The following KLK2 variants were observed in gnomAD, a reference collection of about 807,000 sequenced individuals.
KLK2 encodes the protein kallikrein-2.
A neutral mutation model predicts 23.0 loss-of-function variants in KLK2; 17 were observed. The ratio of observed to expected loss-of-function variants is 0.74; its 90% CI spans 0.51 to 1.11. The LOEUF is 1.11. KLK2 is among the 50% of genes least tolerant of loss of function. The probability of loss-of-function intolerance (pLI) is 0.00; values close to 1 mark genes in which losing one functional copy is unlikely to be tolerated. For synonymous variants in KLK2, 140 were observed against 124.7 expected, an observed-to-expected ratio of 1.12 and a Z score of -0.82; for missense variants, 330 against 325.9, an observed-to-expected ratio of 1.01 and a Z score of -0.10.
At position 50,874,814 on chromosome 19, in the gene KLK2, G is replaced by A. The variant is rs1215990768; in HGVS notation, c.140G>A (p.Trp47Ter). Residue 47 changes from tryptophan to a stop codon, truncating the protein, a stop_gained, in exon 2 of 5, where the codon TGG (tryptophan) becomes TAG (stop). Transcript: ENST00000325321. LOFTEE classifies it high-confidence loss of function. ...PWQVAVYSHG[W>*]AHCGGVLVHP... ...CAGGTGGCTGTGTACAGTCATGGATGGGCACACTGTGGGGGTGTCCTGGTG... is the reference window on the plus strand; with the variant it reads ...CAGGTGGCTGTGTACAGTCATGGATAGGCACACTGTGGGGGTGTCCTGGTG... The A allele has an allele frequency of 6.2e-7, 1 of 1,613,722 alleles. No homozygotes were observed.
At position 50,876,869 on chromosome 19, in the gene KLK2, T is replaced by C. The variant is rs748189126; in HGVS notation, c.494-3T>C. 6.2e-7 allele frequency: 1 copy of C among 1,613,926 alleles called. No individual in the cohort carries two copies. Among genetic ancestry groups the C allele is most frequent in the Non-Finnish European group, 8.5e-7 (1 of 1,179,890 alleles). ...CACAGCCCAGTTTTTCTCTGACCCA[T>C]AGTCTTGCGCCCCAGGAGTCTTCAG... On this transcript the variant is annotated splice_region_variant and splice_polypyrimidine_tract_variant and intron_variant, in intron 3 of 4. Transcript: ENST00000325321.
chr19:50,878,621 TG>T lies in KLK2; in HGVS notation c.*64del. The stretch of plus-strand genomic sequence containing the variant: ...GTCCACCTCACGTTCTGGCATCACT[TG>T]GCCTTTCTGGATGCTGGACACCTGA... On this transcript the variant is annotated 3_prime_UTR_variant, in exon 5 of 5. Transcript: ENST00000325321. The T allele has an allele frequency of 6.6e-7, 1 of 1,514,450 alleles. No individual in the cohort carries two copies. Among genetic ancestry groups the T allele is most frequent in the Non-Finnish European group, 9.1e-7 (1 of 1,104,812 alleles). 93.8% of individuals were successfully genotyped at this position (1,514,450 alleles called of 1,614,324 possible). A position where few individuals can be genotyped will look rare whatever the true frequency, so the allele number is the denominator to read the frequency against.
At chr19:50,873,808 A>C in intron 1 of KLK2, 7 of 452,498 alleles carry the variant, frequency 1.5e-5, no homozygotes, top group Non-Finnish European at 2.3e-5. Context: ...GGGGTTCAAA[A>C]CCTTTCAAGG....
At chr19:50,874,411 A>G (rs1353561731) in intron 1 of KLK2, 6 of 233,264 alleles carry the variant, frequency 2.6e-5, no homozygotes, top group South Asian at 1.3e-4. Context: ...CCAGTGTAAG[A>G]CCCCAAATCA....
rs1270322802 is a variant in KLK2 at position 50,879,999 on chromosome 19, T to C, written c.*1440T>C. The stretch of plus-strand genomic sequence containing the variant: ...TTTGGTCTTGTGATCAGGTGGTCTA[T>C]GGGGCTATCCCTACAAAGAAGAATC... On this transcript the variant is annotated 3_prime_UTR_variant, in exon 5 of 5. Transcript: ENST00000325321. 2 of 229,708 alleles carry C rather than the reference T, an allele frequency of 8.7e-6. No homozygotes were observed. The highest frequency in any genetic ancestry group is 1.7e-5 in the Non-Finnish European group (2 of 115,958). The allele number at this position is 229,708 out of a possible 1,614,324, so 14.2% of individuals were successfully genotyped here.
chr19:50,877,254 G>C (rs1376824160), intron 4 of KLK2: 3 of 576,064 alleles, frequency 5.2e-6, no homozygotes, highest in Non-Finnish European at 9.3e-6. Context: ...CACCTGCTAC[G>C]TGACCAGCAT....
chr19:50,874,665 C>T (rs1006746983), intron 1 of KLK2, 56 bp from the exon 2 acceptor site: 149 of 1,532,398 alleles, frequency 9.7e-5, no homozygotes, highest in Non-Finnish European at 1.2e-4. Context: ...GCTCAGCTCC[C>T]TCCCCTATCC....
Position 50,878,666 on chromosome 19 carries a change from C to A in KLK2, c.*107C>A. 2 of 1,168,572 alleles carry A rather than the reference C, an allele frequency of 1.7e-6. No homozygotes were observed. The highest frequency in any genetic ancestry group is 2.5e-6 in the Non-Finnish European group (2 of 805,096). 72.4% of individuals were successfully genotyped at this position (1,168,572 alleles called of 1,614,324 possible). A position where few individuals can be genotyped will look rare whatever the true frequency, so the allele number is the denominator to read the frequency against. Reference sequence around the variant, plus strand: ...CACCTGAAGCTTGGAACTCACCTGGCCGAAGCTCGAGCCTCCTGAGTCCTA... The same window carrying A: ...CACCTGAAGCTTGGAACTCACCTGGACGAAGCTCGAGCCTCCTGAGTCCTA... On this transcript the variant is annotated 3_prime_UTR_variant, in exon 5 of 5. Coordinates refer to ENST00000325321, the MANE Select transcript of KLK2 (RefSeq NM_005551.5).
chr19:50,874,816 G>A lies in KLK2; in HGVS notation c.142G>A (p.Ala48Thr), dbSNP rs371665279. ...GGTGGCTGTGTACAGTCATGGATGG[G>A]CACACTGTGGGGGTGTCCTGGTGCA... is the stretch of plus-strand genomic sequence containing the variant. ...WQVAVYSHGW[A>T]HCGGVLVHPQ... The change falls in exon 2 of 5, where the codon GCA (alanine) becomes ACA (threonine). Residue 48 changes from alanine to threonine, a missense_variant. Ala to Thr is a moderately conservative substitution (Grantham distance 58). Transcript: ENST00000325321. 3.1e-6 allele frequency: 5 copies of A among 1,613,580 alleles called. No homozygotes were observed. The highest frequency in any genetic ancestry group is 1.3e-5 in the African/African-American group (1 of 74,912).
At chr19:50,876,349 CCGA>C (rs747252541) in intron 2 of KLK2, 120 bp from the exon 3 acceptor site, 17 of 825,964 alleles carry the variant, frequency 2.1e-5, no homozygotes, top group Admixed American at 1.2e-4. Flanking sequence ...CTATATCTCC[CCGA>C]CCCCTGTGCT....
In KLK2 at chr19:50,879,843, G is replaced by C. The variant is rs1010575952; in HGVS notation, c.*1284G>C. The C allele has an allele frequency of 3.0e-5, 7 of 229,916 alleles. No homozygotes were observed. The highest frequency in any genetic ancestry group is 1.7e-4 in the Admixed American group (3 of 17,662). 14.2% of individuals were successfully genotyped at this position (229,916 alleles called of 1,614,324 possible). The stretch of plus-strand genomic sequence containing the variant: ...CAAGGAATCAAATGTCATCTCCCAG[G>C]AGTTATTCAAGGGTGAGCCCTTTAC... On this transcript the variant is annotated 3_prime_UTR_variant, in exon 5 of 5. Transcript: ENST00000325321.
rs1298492640 is a variant in KLK2, at chr19:50,879,762, A to C, written c.*1203A>C. The C allele has an allele frequency of 1.3e-5, 3 of 229,772 alleles. No homozygotes were observed. The East Asian group carries it at 1.9e-4, about 14-fold the overall frequency. 14.2% of individuals were successfully genotyped at this position (229,772 alleles called of 1,614,324 possible). On this transcript the variant is annotated 3_prime_UTR_variant, in exon 5 of 5. Coordinates refer to ENST00000325321, the MANE Select transcript of KLK2 (RefSeq NM_005551.5). The stretch of plus-strand genomic sequence containing the variant: ...ATCACAAATCCCATCTTTAGCATGA[A>C]GGGTCTGGCATGGCCCAAGGCCCCA...
chr19:50,875,785 C>G (rs113183318), intron 2 of KLK2: 1 of 153,320 alleles, frequency 6.5e-6, no homozygotes, highest in East Asian at 1.9e-4. Flanking sequence ...GGTGACAGAG[C>G]AAGACTCCAT....
chr19:50,876,735 G>C lies in KLK2; in HGVS notation c.470G>C (p.Trp157Ser). Residue 157 changes from tryptophan (W) to serine (S), a missense_variant, in exon 3 of 5, where the codon TGG becomes TCG. Coordinates refer to ENST00000325321, the MANE Select transcript of KLK2 (RefSeq NM_005551.5). ...GGGACCACCTGCTACGCCTCAGGCTGGGGCAGCATCGAACCAGAGGAGTGT... is the reference window on the plus strand; with the variant it reads ...GGGACCACCTGCTACGCCTCAGGCTCGGGCAGCATCGAACCAGAGGAGTGT... ...ALGTTCYASG[W>S]GSIEPEEFLR... 2 of 1,614,090 alleles carry C rather than the reference G, an allele frequency of 1.2e-6. No individual in the cohort carries two copies. The highest frequency in any genetic ancestry group is 1.7e-6 in the Non-Finnish European group (2 of 1,180,020).
chr19:50,876,396 C>T (rs553371344), intron 2 of KLK2, 76 bp from the exon 3 acceptor site: 60 of 1,324,402 alleles, frequency 4.5e-5, no homozygotes, highest in Admixed American at 9.3e-5. Flanking sequence ...CCTTTGGAGT[C>T]TCCCTTATCC....
At chr19:50,876,052 TG>T in intron 2 of KLK2, 1 of 224,204 alleles carries the variant, frequency 4.5e-6, no homozygotes, top group Non-Finnish European at 8.9e-6. Flanking sequence ...GCTTCCTCTC[TG>T]CTGTTTCTCC....
chr19:50,874,745 G>A lies in KLK2; in HGVS notation c.71G>A (p.Arg24Gln), dbSNP rs776692267. The change falls in exon 2 of 5, where the codon CGG becomes CAG. Residue 24 changes from arginine to glutamine, a missense_variant. Transcript: ENST00000325321. ...CTGAVPLIQS[R>Q]IVGGWECEKH... ...GGTGCCGTGCCCCTCATCCAGTCTCGGATTGTGGGAGGCTGGGAGTGTGAG... is the reference window on the plus strand; with the variant it reads ...GGTGCCGTGCCCCTCATCCAGTCTCAGATTGTGGGAGGCTGGGAGTGTGAG... The A allele has an allele frequency of 3.2e-5, 52 of 1,612,390 alleles. 1 individual carries two copies. The highest frequency in any genetic ancestry group is 6.7e-5 in the Admixed American group (4 of 59,926).
chr19:50,877,025 C>G lies in KLK2; in HGVS notation c.630+17C>G, dbSNP rs1478668270. 15 of 1,614,020 alleles carry G rather than the reference C, an allele frequency of 9.3e-6. 1 individual carries two copies. The highest frequency in any genetic ancestry group is 1.0e-5 in the Non-Finnish European group (12 of 1,179,968). On this transcript the variant is annotated intron_variant, in intron 4 of 4. Coordinates refer to ENST00000325321, the MANE Select transcript of KLK2 (RefSeq NM_005551.5). ...ACTTGTGGGGTGAGTCATCCCTACT[C>G]CCAACATCTGGAGGGGAAAGGTGAG...
At position 50,877,188 on chromosome 19, in the gene KLK2, A is replaced by C. The variant is rs1410181529; in HGVS notation, c.630+180A>C. The stretch of plus-strand genomic sequence containing the variant: ...CCTTCCCTGACTCCCTCAACACAAG[A>C]GGTGATTCTCACAGCATAATTCACC... On this transcript the variant is annotated intron_variant, in intron 4 of 4. Coordinates refer to ENST00000325321, the MANE Select transcript of KLK2 (RefSeq NM_005551.5). 3 of 723,442 alleles carry C rather than the reference A, an allele frequency of 4.1e-6. No homozygotes were observed. The African/African-American group carries it at 5.3e-5, about 13-fold the overall frequency. The allele number at this position is 723,442 out of a possible 1,614,324, so 44.8% of individuals were successfully genotyped here.
Sources: allele counts gnomAD v4.1 joint callset, GRCh38; gene constraint gnomAD v4.1.1; transcripts MANE v1.5; gene names NCBI Gene and HGNC (gene_info 2026-07-23, HGNC 2026-07-21).